The following ZNF736 variants were observed in gnomAD, a reference collection of about 807,000 sequenced individuals.
The protein encoded by ZNF736 is zinc finger protein 736, also known as KRAB-containing zinc-finger repressor protein.
In ZNF736, 6 loss-of-function variants were observed where a neutral mutation model predicts 11.7. The observed-to-expected ratio is 0.51, with a 90% CI of 0.28 to 1.01. ZNF736 has a LOEUF of 1.01. Ranked by LOEUF, ZNF736 falls within the 50% of genes least tolerant of loss-of-function variation. The pLI, the probability that ZNF736 is intolerant of heterozygous loss-of-function variation, is 0.09. For missense variants in ZNF736, 444 were observed against 496.0 expected (o/e 0.90, Z 1.00); for synonymous variants, 139 against 164.7 (o/e 0.84, Z 1.19).
intron 3 of ZNF736, among the ~76,000 whole-genome samples, chr7:64,343,789 A>G (rs1201658283): frequency 2.6e-5 from 4 of 152,038 alleles, no homozygotes; most frequent in South Asian, 2.1e-4. Flanking sequence ...TTTAGTTTTT[A>G]TGTATCATAA....
chr7:64,339,573 G>C (rs1789308069), intron 3 of ZNF736, among the ~76,000 whole-genome samples: 1 of 152,156 alleles, frequency 6.6e-6, no homozygotes, highest in African/African-American at 2.4e-5. Flanking sequence ...CAGTGGCTCA[G>C]TGTCAAAGAT....
intron 1 of ZNF736, among the ~76,000 whole-genome samples, chr7:64,328,248 G>A: frequency 3.7e-5 from 1 of 26,880 alleles, no homozygotes; most frequent in East Asian, 8.9e-4. Context: ...TTTGTCAGTT[G>A]TTTTTGTTTT....
chr7:64,331,198 T>C (rs1789160766), intron 1 of ZNF736, among the ~76,000 whole-genome samples: 1 of 152,166 alleles, frequency 6.6e-6, no homozygotes, highest in African/African-American at 2.4e-5. Flanking sequence ...TGCTTTAGCC[T>C]ATGGTGGTGG....
At chr7:64,321,312 TG>T (rs1210669061) in intron 1 of ZNF736, among the ~76,000 whole-genome samples, 7 of 152,220 alleles carry the variant, frequency 4.6e-5, no homozygotes, top group African/African-American at 1.7e-4. Context: ...TTAAAGAAAT[TG>T]CCTTTTATCT....
At chr7:64,334,493 C>G (rs1789217811) in intron 1 of ZNF736, among the ~76,000 whole-genome samples, 1 of 152,158 alleles carries the variant, frequency 6.6e-6, no homozygotes, top group South Asian at 2.1e-4. Context: ...TGTAAACAGA[C>G]ACTTCTCAAA....
intron 3 of ZNF736, among the ~76,000 whole-genome samples, chr7:64,344,977 T>G (rs1262466505): frequency 2.7e-5 from 4 of 147,432 alleles, no homozygotes; most frequent in Middle Eastern, 3.5e-3. Flanking sequence ...ATTTTGTGGG[T>G]TTTTTTTTTC....
In ZNF736 at chr7:64,337,755, G is replaced by GTTTTTTTTTTTTTTTTTTTTT. The variant is rs147991832; in HGVS notation, c.226+773_226+774insTTTTTTTTTTTTTTTTTTTTT. Among the ~76,000 whole-genome samples the GTTTTTTTTTTTTTTTTTTTTT allele has an allele frequency of 1.5e-4, 13 of 86,230 alleles. 1 individual carries two copies. The highest frequency in any genetic ancestry group is 3.2e-4 in the South Asian group (1 of 3,110). 56.6% of individuals were successfully genotyped at this position (86,230 alleles called of 152,430 possible). On this transcript the variant is annotated intron_variant, in intron 3 of 3. Transcript: ENST00000423484. ...TGTTTTGTTTTGTTTTGTTTTTTTT[G>GTTTTTTTTTTTTTTTTTTTTT]GTTTTTTTTTTTTTTTGAGACAGAG...
chr7:64,323,010 G>C (rs1789023357), intron 1 of ZNF736, among the ~76,000 whole-genome samples: 2 of 152,126 alleles, frequency 1.3e-5, no homozygotes, highest in African/African-American at 4.8e-5. Context: ...TAACCACACT[G>C]TTTATGGATT....
chr7:64,344,177 C>G lies in ZNF736; in HGVS notation c.227-3913C>G, dbSNP rs568538935. 3.8e-4 allele frequency among the ~76,000 whole-genome samples: 58 copies of G among 152,206 alleles called. No homozygotes were observed. In the South Asian group the frequency reaches 0.012, roughly 31 times the overall value. ...ATTAGCCAAGTGTGGTGGTGCGCGC[C>G]TATAATCCCAGCTCCTGCAGAGGCT... On this transcript the variant is annotated intron_variant, in intron 3 of 3. Coordinates refer to ENST00000423484, the MANE Select transcript of ZNF736 (RefSeq NM_001170905.3).
At position 64,356,565 on chromosome 7, in the gene ZNF736, A is replaced by G. The variant is rs1163332464; in HGVS notation, c.*7418A>G. Among the ~76,000 whole-genome samples, 3 of 152,138 alleles carry G rather than the reference A, an allele frequency of 2.0e-5. No individual in the cohort carries two copies. The highest frequency in any genetic ancestry group is 7.2e-5 in the African/African-American group (3 of 41,450). ...ATAATTTATACAAGTAATATAAACT[A>G]AGTTTACTTAAATTATTTACTTATT... is the stretch of plus-strand genomic sequence containing the variant. On this transcript the variant is annotated 3_prime_UTR_variant, in exon 4 of 4. Coordinates refer to ENST00000423484, the MANE Select transcript of ZNF736 (RefSeq NM_001170905.3).
At position 64,349,373 on chromosome 7, in the gene ZNF736, GT is replaced by G; in HGVS notation, c.*230del. 2.7e-6 allele frequency: 1 copy of G among 370,762 alleles called. No individual in the cohort carries two copies. Among genetic ancestry groups the G allele is most frequent in the Non-Finnish European group, 4.8e-6 (1 of 209,312 alleles). 23.0% of individuals were successfully genotyped at this position (370,762 alleles called of 1,614,324 possible). A position where few individuals can be genotyped will look rare whatever the true frequency, so the allele number is the denominator to read the frequency against. On this transcript the variant is annotated 3_prime_UTR_variant, in exon 4 of 4. Transcript: ENST00000423484. ...TTAAATCTATGTTAATTTCAAGTCT[GT>G]TTTGTCAGAAACTAGGATTGCAACC...
At chr7:64,324,524 T>C (rs1381877787) in intron 1 of ZNF736, among the ~76,000 whole-genome samples, 5 of 152,148 alleles carry the variant, frequency 3.3e-5, no homozygotes, top group Admixed American at 1.3e-4. Flanking sequence ...GTATGTGATT[T>C]TGCCCCCCCG....
At chr7:64,323,396 A>T (rs1789028397) in intron 1 of ZNF736, among the ~76,000 whole-genome samples, 2 of 151,028 alleles carry the variant, frequency 1.3e-5, no homozygotes, top group African/African-American at 4.9e-5. Context: ...TTAAAAATTT[A>T]TTTTTTTCAA....
intron 3 of ZNF736, among the ~76,000 whole-genome samples, chr7:64,345,284 AG>A (rs922718126): frequency 9.9e-5 from 15 of 151,522 alleles, no homozygotes; most frequent in African/African-American, 3.1e-4. Flanking sequence ...GGCCTCCCAA[AG>A]TGCTGGGATT....
Position 64,354,474 on chromosome 7 carries a change from A to G in ZNF736, c.*5327A>G, listed in dbSNP as rs528249787. ...AGAAACTTCAGAGATTTTGAAAGCAAATCTATTTTCTCTGCTGTGTATTAA... is the reference window on the plus strand; with the variant it reads ...AGAAACTTCAGAGATTTTGAAAGCAGATCTATTTTCTCTGCTGTGTATTAA... On this transcript the variant is annotated 3_prime_UTR_variant, in exon 4 of 4. Coordinates refer to ENST00000423484, the MANE Select transcript of ZNF736 (RefSeq NM_001170905.3). The G allele has an allele frequency of 2.6e-5, 4 of 152,326 alleles. No homozygotes were observed. In the East Asian group the frequency reaches 7.7e-4, roughly 29 times the overall value. The allele number at this position is 152,326 out of a possible 1,614,324, so 9.4% of individuals were successfully genotyped here. A position where few individuals can be genotyped will look rare whatever the true frequency, so the allele number is the denominator to read the frequency against.
intron 3 of ZNF736, among the ~76,000 whole-genome samples, chr7:64,344,601 C>T (rs1293945020): frequency 2.6e-5 from 4 of 152,066 alleles, no homozygotes; most frequent in Non-Finnish European, 5.9e-5. Flanking sequence ...CAAAATTTGT[C>T]TTTATAATAG....
At chr7:64,316,640 A>G (rs1412771503) in intron 1 of ZNF736, among the ~76,000 whole-genome samples, 2 of 152,082 alleles carry the variant, frequency 1.3e-5, no homozygotes, top group African/African-American at 2.4e-5. Context: ...AGTCAGCACT[A>G]CTTCTCCCTG....
intron 1 of ZNF736, among the ~76,000 whole-genome samples, chr7:64,328,644 C>T (rs557951326): frequency 1.2e-4 from 19 of 152,166 alleles, no homozygotes; most frequent in African/African-American, 4.3e-4. Context: ...CTCCTGTAGT[C>T]CCAGCTACTT....
chr7:64,323,651 C>T (rs1024526826), intron 1 of ZNF736, among the ~76,000 whole-genome samples: 6 of 152,120 alleles, frequency 3.9e-5, no homozygotes, highest in Non-Finnish European at 8.8e-5. Context: ...GAAACCCAAA[C>T]GCTGCATGCT....
Sources: gnomAD v4.1 joint callset for allele counts (sites outside exome capture counted in the v4.1 genomes callset) on GRCh38, gnomAD v4.1.1 for gene constraint, MANE v1.5 for transcripts, NCBI Gene and HGNC (gene_info 2026-07-23, HGNC 2026-07-21) for gene names.